SLC11A2: variants seen among roughly 807,000 people sequenced by gnomAD.
SLC11A2 encodes natural resistance-associated macrophage protein 2.
A neutral mutation model predicts 68.0 loss-of-function variants in SLC11A2; 38 were observed. The observed-to-expected ratio is 0.56, with a 90% CI of 0.43 to 0.73. SLC11A2 has a LOEUF of 0.73. Ranked by LOEUF, SLC11A2 falls within the 30% of genes least tolerant of loss-of-function variation. SLC11A2 has a pLI of 0.00. For synonymous variants in SLC11A2, 242 were observed against 250.6 expected (o/e 0.97, Z 0.32); for missense variants, 517 against 690.5 (o/e 0.75, Z 2.82).
chr12:50,983,271 A>G (rs369907006), downstream of SLC11A2, among the ~76,000 whole-genome samples: 17 of 152,250 alleles, frequency 1.1e-4, no homozygotes, highest in African/African-American at 4.1e-4. Context: ...TCTCGAATAC[A>G]CCTTGAGACA....
the SLC11A2 span, among the ~76,000 whole-genome samples, chr12:50,973,210 C>T: frequency 3.5e-4 from 54 of 152,272 alleles, no homozygotes; most frequent in Non-Finnish European, 5.7e-4. Context: ...GGTTCCCTGA[C>T]CCCCAAGTAG....
chr12:51,005,301 A>T lies in SLC11A2; in HGVS notation c.309+10T>A. 1 of 1,613,730 alleles carries T rather than the reference A, an allele frequency of 6.2e-7. No homozygotes were observed. Among genetic ancestry groups the T allele is most frequent in the Non-Finnish European group, 8.5e-7 (1 of 1,179,690 alleles). Reference sequence around the variant, plus strand: ...TGCTTAAAAGGACAGGGGTAGGACTAGATGTTCACCTTAAATCCAGCCACT... The same window carrying T: ...TGCTTAAAAGGACAGGGGTAGGACTTGATGTTCACCTTAAATCCAGCCACT... On this transcript the variant is annotated intron_variant, in intron 4 of 15. Transcript: ENST00000262052.
chr12:50,964,565 G>C, the SLC11A2 span, among the ~76,000 whole-genome samples: 2 of 152,208 alleles, frequency 1.3e-5, no homozygotes, highest in African/African-American at 4.8e-5. Flanking sequence ...GGTCCCTGCA[G>C]ACTAGATTAT....
At position 50,992,900 on chromosome 12, in the gene SLC11A2, AG is replaced by A; in HGVS notation, c.1106del (p.Pro369LeufsTer20). Reference sequence around the variant, plus strand: ...CCACTGCCCAAATGTAGAGTGCAGCAGGCCCAAAGTAACATCCCAGCACAAC... The same window carrying A: ...CCACTGCCCAAATGTAGAGTGCAGCAGCCCAAAGTAACATCCCAGCACAAC... ...GGVVLGCYFGPAALYIWAVGI... is the reference protein window; with the variant it reads ...GGVVLGCYFGXAALYIWAVGI... On this transcript the variant is annotated frameshift_variant, in exon 12 of 16. Transcript: ENST00000262052. LOFTEE classifies it high-confidence loss of function. 6.2e-7 allele frequency: 1 copy of A among 1,614,056 alleles called. No homozygotes were observed. The highest frequency in any genetic ancestry group is 8.5e-7 in the Non-Finnish European group (1 of 1,179,990).
chr12:51,005,743 C>T, intron 3 of SLC11A2: 1 of 1,264,814 alleles, frequency 7.9e-7, no homozygotes, highest in Non-Finnish European at 1.0e-6. Flanking sequence ...ACAAGAGCCA[C>T]CATTTTAAAA....
rs12320527 is a variant in SLC11A2, at chr12:51,019,050, G to T, written c.-39+7260C>A. On this transcript the variant is annotated intron_variant, in intron 1 of 15. Transcript: ENST00000262052. The stretch of plus-strand genomic sequence containing the variant: ...CAGCCAGAAAGGTGTCTTCATGGAA[G>T]TAACTGATGAAATAAATGCTAGCAA... Among the ~76,000 whole-genome samples, 558 of 152,176 alleles carry T rather than the reference G, an allele frequency of 3.7e-3. 6 individuals are homozygous for T. The highest frequency in any genetic ancestry group is 0.013 in the African/African-American group (531 of 41,506).
intron 1 of SLC11A2, among the ~76,000 whole-genome samples, chr12:51,023,664 C>T (rs957579676): frequency 2.6e-5 from 4 of 152,104 alleles, no homozygotes; most frequent in Non-Finnish European, 5.9e-5. Context: ...AGGTGTCATT[C>T]CCATGCCTCT....
At chr12:51,024,798 T>G (rs1166012782) in intron 1 of SLC11A2, 1 of 152,188 alleles carries the variant, frequency 6.6e-6, no homozygotes, top group African/African-American at 2.4e-5. Context: ...TAGAGTAAGA[T>G]TAGATTCATA....
At position 50,987,006 on chromosome 12, in the gene SLC11A2, T is replaced by G. The variant is rs1197106807; in HGVS notation, c.*1319A>C. On this transcript the variant is annotated 3_prime_UTR_variant, in exon 16 of 16. Coordinates refer to ENST00000262052, the MANE Select transcript of SLC11A2 (RefSeq NM_000617.3). Reference sequence around the variant, plus strand: ...CCAAATCAATGACTATAAAACAGTTTTGATTATTTATCTCCATCAAAGTGA... The same window carrying G: ...CCAAATCAATGACTATAAAACAGTTGTGATTATTTATCTCCATCAAAGTGA... 1 of 1,285,584 alleles carries G rather than the reference T, an allele frequency of 7.8e-7. No homozygotes were observed. Among genetic ancestry groups the G allele is most frequent in the African/African-American group, 1.5e-5 (1 of 65,730 alleles). 79.6% of individuals were successfully genotyped at this position (1,285,584 alleles called of 1,614,324 possible). A position where few individuals can be genotyped will look rare whatever the true frequency, so the allele number is the denominator to read the frequency against.
intron 12 of SLC11A2, 57 bp downstream of exon 12, chr12:50,992,746 AGAAGAAG>A (rs1941295784): frequency 3.2e-5 from 26 of 820,042 alleles, no homozygotes; most frequent in Non-Finnish European, 1.5e-5. Context: ...AAAAAAAAAA[AGAAGAAG>A]AAGAAGAAGT....
the SLC11A2 span, among the ~76,000 whole-genome samples, chr12:50,959,222 C>G: frequency 6.6e-6 from 1 of 151,728 alleles, no homozygotes; most frequent in African/African-American, 2.4e-5. Flanking sequence ...CGGGTTCAAG[C>G]GATTCTCCTG....
rs755106704 is a variant in SLC11A2 at position 51,026,345 on chromosome 12, C to A, written c.-74G>T. On this transcript the variant is annotated 5_prime_UTR_variant, in exon 1 of 16. Transcript: ENST00000262052. ...CCGCAACCACCTGACACGCCGCCCC[C>A]GCGCCCAGGGCTCCATATTCCGGGA... The A allele has an allele frequency of 7.8e-6, 10 of 1,281,518 alleles. No homozygotes were observed. In the East Asian group the frequency reaches 2.2e-4, roughly 29 times the overall value. 79.4% of individuals were successfully genotyped at this position (1,281,518 alleles called of 1,614,324 possible). A position where few individuals can be genotyped will look rare whatever the true frequency, so the allele number is the denominator to read the frequency against.
intron 9 of SLC11A2, 125 bp downstream of exon 9, chr12:50,996,692 G>T: frequency 1.1e-6 from 1 of 945,880 alleles, no homozygotes; most frequent in Non-Finnish European, 1.7e-6. Flanking sequence ...TAAATGTCCA[G>T]GCTTGGAAAA....
intron 11 of SLC11A2, 193 bp from the exon 12 acceptor site, chr12:50,993,122 T>A (rs1023693327): frequency 3.2e-6 from 2 of 632,080 alleles, no homozygotes; most frequent in African/African-American, 3.6e-5. Flanking sequence ...TAAACTTTAC[T>A]GGATGCTCCT....
chr12:51,009,248 C>T, intron 2 of SLC11A2: 1 of 1,332,000 alleles, frequency 7.5e-7, no homozygotes. Context: ...CCTTTGTACT[C>T]TGACTAAGGC....
intron 10 of SLC11A2, 150 bp from the exon 11 acceptor site, chr12:50,994,780 C>A (rs1465929237): frequency 3.0e-6 from 2 of 664,358 alleles, no homozygotes; most frequent in African/African-American, 1.8e-5. Context: ...AGACTAGCAG[C>A]AATGTTATCT....
At chr12:50,970,479 A>G in the SLC11A2 span, 1 of 1,535,288 alleles carries the variant, frequency 6.5e-7, no homozygotes, top group Non-Finnish European at 8.8e-7. Flanking sequence ...ACATTAGACC[A>G]CGATTCTTCA....
chr12:50,969,279 G>A, the SLC11A2 span, among the ~76,000 whole-genome samples: 1 of 151,292 alleles, frequency 6.6e-6, no homozygotes, highest in Admixed American at 6.6e-5. Flanking sequence ...GGGCAAGACA[G>A]AGAGACCCCA....
chr12:50,982,607 CAG>C (rs1940136010), downstream of SLC11A2, among the ~76,000 whole-genome samples: 1 of 150,390 alleles, frequency 6.6e-6, no homozygotes, highest in Non-Finnish European at 1.5e-5. Context: ...AGCCTGGCGA[CAG>C]AGTCAGACTC....
Sources: allele counts gnomAD v4.1 joint callset (sites outside exome capture counted in the v4.1 genomes callset), GRCh38; gene constraint gnomAD v4.1.1; transcripts MANE v1.5; gene names NCBI Gene and HGNC (gene_info 2026-07-23, HGNC 2026-07-21).